KALRN: variants seen among roughly 807,000 people sequenced by gnomAD.
KALRN encodes the protein kalirin.
A neutral mutation model predicts 353.7 loss-of-function variants in KALRN; 70 were observed. That is an observed-to-expected ratio of 0.20 (90% confidence interval 0.16 to 0.24). The LOEUF (loss-of-function observed/expected upper bound fraction) is 0.24, where lower values mean the gene tolerates loss of function less well. KALRN is among the 10% of genes least tolerant of loss of function. The pLI, the probability that KALRN is intolerant of heterozygous loss-of-function variation, is 1.00. For synonymous variants in KALRN, 1,391 were observed against 1,434.8 expected (o/e 0.97, Z 0.69); for missense variants, 2,791 against 3,756.7 (o/e 0.74, Z 6.72).
Position 124,657,566 on chromosome 3 carries a change from T to C in KALRN, c.5966+15T>C, listed in dbSNP as rs375667174. On this transcript the variant is annotated intron_variant, in intron 40 of 59. Coordinates refer to ENST00000682506, the MANE Select transcript of KALRN (RefSeq NM_001388419.1). ...TGGCATAAGGAGTAAGTGTTAATGC[T>C]GCCCCGAGGATCCAGTGTCCTGGGA... is the stretch of plus-strand genomic sequence containing the variant. 19 of 1,589,388 alleles carry C rather than the reference T, an allele frequency of 1.2e-5. No homozygotes were observed. The highest frequency in any genetic ancestry group is 1.7e-5 in the Admixed American group (1 of 59,968).
chr3:124,712,117 G>A (rs982409408), intron 57 of KALRN, among the ~76,000 whole-genome samples: 10 of 152,122 alleles, frequency 6.6e-5, no homozygotes, highest in Admixed American at 4.6e-4. Context: ...CTTGGGTGAT[G>A]GGTGCACCAA....
intron 1 of KALRN, among the ~76,000 whole-genome samples, chr3:124,110,550 G>C (rs1428368808): frequency 6.6e-6 from 1 of 151,444 alleles, no homozygotes; most frequent in Non-Finnish European, 1.5e-5. Context: ...TGCTATTCCT[G>C]ATGATCCTTC....
At chr3:124,335,175 T>C (rs1302638286) in intron 9 of KALRN, among the ~76,000 whole-genome samples, 1 of 152,128 alleles carries the variant, frequency 6.6e-6, no homozygotes, top group Non-Finnish European at 1.5e-5. Flanking sequence ...CCAAGCACTG[T>C]CAGGCTTGGA....
intron 6 of KALRN, among the ~76,000 whole-genome samples, chr3:124,323,619 T>C (rs2079571366): frequency 6.6e-6 from 1 of 152,112 alleles, no homozygotes; most frequent in South Asian, 2.1e-4. Flanking sequence ...GGGAGGAGGA[T>C]GTAATAGGCA....
At chr3:124,178,908 C>T (rs974846163) in intron 1 of KALRN, among the ~76,000 whole-genome samples, 1 of 152,054 alleles carries the variant, frequency 6.6e-6, no homozygotes. Context: ...AGTTTCAGAC[C>T]AGCCTGGGCA....
intron 1 of KALRN, among the ~76,000 whole-genome samples, chr3:124,212,516 T>C (rs1421070202): frequency 6.6e-6 from 1 of 152,168 alleles, no homozygotes; most frequent in East Asian, 1.9e-4. Context: ...AACTATCCCC[T>C]TTCTGTTGGA....
At chr3:124,619,146 T>A (rs2078989571) in intron 34 of KALRN, among the ~76,000 whole-genome samples, 1 of 150,766 alleles carries the variant, frequency 6.6e-6, no homozygotes, top group Non-Finnish European at 1.5e-5. Flanking sequence ...TTTTTTAAGA[T>A]TCCACATATA....
intron 3 of KALRN, among the ~76,000 whole-genome samples, chr3:124,236,989 A>G (rs2079855475): frequency 1.3e-5 from 2 of 152,182 alleles, no homozygotes; most frequent in South Asian, 2.1e-4. Context: ...ATTCATGAAG[A>G]GTGTAAGTGC....
At chr3:124,194,099 G>T (rs2075203603) in intron 1 of KALRN, among the ~76,000 whole-genome samples, 1 of 152,168 alleles carries the variant, frequency 6.6e-6, no homozygotes, top group Non-Finnish European at 1.5e-5. Flanking sequence ...GAAACCATCT[G>T]GGGACAGAGA....
Position 124,407,136 on chromosome 3 carries a change from C to T in KALRN, c.2347-6334C>T, listed in dbSNP as rs1052586556. On this transcript the variant is annotated intron_variant, in intron 13 of 59. Transcript: ENST00000682506. ...ACTGCACCCAGCCAGGCAAATTGCC[C>T]TTGAAGCCTTGGTTTCCTCATTTGA... is the stretch of plus-strand genomic sequence containing the variant. Among the ~76,000 whole-genome samples the T allele has an allele frequency of 2.0e-5, 3 of 152,008 alleles. No individual in the cohort carries two copies. The East Asian group carries it at 5.8e-4, about 29-fold the overall frequency.
intron 10 of KALRN, among the ~76,000 whole-genome samples, chr3:124,359,334 G>A (rs891076629): frequency 2.6e-5 from 4 of 152,182 alleles, no homozygotes; most frequent in Non-Finnish European, 5.9e-5. Flanking sequence ...TCATTTCTAT[G>A]TTCTAGCACA....
chr3:124,199,072 A>T (rs2075711964), intron 1 of KALRN, among the ~76,000 whole-genome samples: 1 of 152,216 alleles, frequency 6.6e-6, no homozygotes, highest in South Asian at 2.1e-4. Flanking sequence ...AAGGCTAGAG[A>T]TAGGGAGACT....
intron 3 of KALRN, among the ~76,000 whole-genome samples, chr3:124,260,327 T>G (rs2072660816): frequency 1.3e-5 from 2 of 152,214 alleles, no homozygotes; most frequent in South Asian, 4.1e-4. Context: ...CAGGCCCAAA[T>G]GTGGCAGCAC....
At chr3:124,318,080 C>A (rs1331004605) in intron 6 of KALRN, among the ~76,000 whole-genome samples, 1 of 152,178 alleles carries the variant, frequency 6.6e-6, no homozygotes, top group Non-Finnish European at 1.5e-5. Flanking sequence ...TGGCCAGGCG[C>A]TTGTTTTCAT....
At chr3:124,675,165 T>A (rs2087014571) in intron 49 of KALRN, 1 of 152,178 alleles carries the variant, frequency 6.6e-6, no homozygotes, top group Non-Finnish European at 1.5e-5. Flanking sequence ...TTTAAAAATT[T>A]CCCTTCACCC....
intron 6 of KALRN, among the ~76,000 whole-genome samples, chr3:124,301,987 ATCCCTTTGAAATCAAATGAAGGT>A (rs1429005747): frequency 6.6e-6 from 1 of 152,182 alleles, no homozygotes. Context: ...TAGTTCACAG[ATCCCTTTGAAATCAAATGAAGGT>A]TGTGAATCCT....
chr3:124,706,620 A>G (rs1276519639), intron 57 of KALRN, among the ~76,000 whole-genome samples: 2 of 150,814 alleles, frequency 1.3e-5, no homozygotes, highest in Non-Finnish European at 1.5e-5. Context: ...CCCAGGCTGG[A>G]GTGCAGTGAT....
chr3:124,234,437 C>T (rs1479176892), intron 2 of KALRN, among the ~76,000 whole-genome samples: 1 of 152,174 alleles, frequency 6.6e-6, no homozygotes. Context: ...GGTTAAATTT[C>T]CAAAGAACAT....
intron 1 of KALRN, among the ~76,000 whole-genome samples, chr3:124,073,966 GAGA>G (rs1269469305): frequency 6.6e-6 from 1 of 152,118 alleles, no homozygotes; most frequent in Non-Finnish European, 1.5e-5. Context: ...TGACTGAGGG[GAGA>G]AGTTCTGTTG....
Sources: allele counts gnomAD v4.1 joint callset (sites outside exome capture counted in the v4.1 genomes callset), GRCh38; gene constraint gnomAD v4.1.1; transcripts MANE v1.5; gene names NCBI Gene and HGNC (gene_info 2026-07-23, HGNC 2026-07-21).